ARHGEF9: variants seen among roughly 807,000 people sequenced by gnomAD.
ARHGEF9 encodes rho guanine nucleotide exchange factor 9.
A neutral mutation model predicts 41.3 loss-of-function variants in ARHGEF9; 2 were observed. That is an observed-to-expected ratio of 0.05 (90% confidence interval 0.02 to 0.15). The LOEUF (loss-of-function observed/expected upper bound fraction) is 0.15. Among genes scored for constraint, ARHGEF9 ranks in the 10% least tolerant of loss-of-function variants. The pLI, the probability that ARHGEF9 is intolerant of heterozygous loss-of-function variation, is 1.00. For synonymous variants in ARHGEF9, 160 were observed against 154.4 expected (o/e 1.04, Z -0.27); for missense variants, 225 against 424.7 (o/e 0.53, Z 4.13).
At chrX:63,721,923 G>C (rs2053655270) in intron 2 of ARHGEF9, among the ~76,000 whole-genome samples, 1 of 111,569 alleles carries the variant, frequency 9.0e-6, no homozygotes, top group Non-Finnish European at 1.9e-5. Context: ...ATACAAGTAT[G>C]AAATTCTGAA....
At chrX:63,738,569 C>T (rs1196126087) in intron 1 of ARHGEF9, among the ~76,000 whole-genome samples, 1 of 110,448 alleles carries the variant, frequency 9.1e-6, no homozygotes, top group Non-Finnish European at 1.9e-5. Context: ...GCACCGCATT[C>T]CCCCCACCCC....
intron 8 of ARHGEF9, among the ~76,000 whole-genome samples, chrX:63,651,497 G>A (rs1313627538): frequency 2.7e-5 from 3 of 111,271 alleles, no homozygotes; most frequent in African/African-American, 6.5e-5. Flanking sequence ...TTTAATAAAT[G>A]ATGCAGATGC....
At chrX:63,714,035 C>G (rs1267976888) in intron 2 of ARHGEF9, among the ~76,000 whole-genome samples, 4 of 111,629 alleles carry the variant, frequency 3.6e-5, no homozygotes, top group Non-Finnish European at 7.5e-5. Flanking sequence ...ATATAACAGA[C>G]AAAAAGAGAA....
At chrX:63,640,872 A>C (rs1302747037) in intron 9 of ARHGEF9, 1 of 111,590 alleles carries the variant, frequency 9.0e-6, no homozygotes, top group Non-Finnish European at 1.9e-5. Flanking sequence ...GGTTATCTTA[A>C]ATAATCCCTT....
intron 1 of ARHGEF9, chrX:63,736,897 TTATAAAAAAAAACTCCACA>T (rs2054643932): frequency 9.0e-6 from 1 of 111,372 alleles, no homozygotes. Flanking sequence ...AGTATGTGTT[TTATAAAAAAAAACTCCACA>T]AAATAGAAAT....
chrX:63,746,334 C>A (rs1214497066), intron 1 of ARHGEF9, among the ~76,000 whole-genome samples: 1 of 111,938 alleles, frequency 8.9e-6, no homozygotes, highest in South Asian at 3.7e-4. Context: ...CTCTCTAAAC[C>A]TTTTTTCTTC....
At chrX:63,722,411 T>C (rs2053682117) in intron 2 of ARHGEF9, among the ~76,000 whole-genome samples, 1 of 90,114 alleles carries the variant, frequency 1.1e-5, no homozygotes, top group African/African-American at 4.2e-5. Context: ...TTGTTTTTTG[T>C]TTTTTTTTTT....
chrX:63,681,613 G>A (rs782309685), intron 4 of ARHGEF9, among the ~76,000 whole-genome samples: 115 of 110,397 alleles, frequency 1.0e-3, no homozygotes, highest in Non-Finnish European at 2.0e-3. Context: ...GTTCTAAGAG[G>A]GGCGTTGATA....
chrX:63,698,336 G>C (rs1271727449), intron 3 of ARHGEF9, among the ~76,000 whole-genome samples: 3 of 109,634 alleles, frequency 2.7e-5, no homozygotes, highest in Non-Finnish European at 5.7e-5. Flanking sequence ...ACATAAACCA[G>C]ACTCAAGGCA....
Position 63,638,191 on chromosome X carries a change from G to A in ARHGEF9, c.1409C>T (p.Ser470Leu), listed in dbSNP as rs782206262. 8.4e-7 allele frequency: 1 copy of A among 1,185,362 alleles called. No individual in the cohort carries two copies. The highest frequency in any genetic ancestry group is 1.1e-6 in the Non-Finnish European group (1 of 882,786). The change falls in exon 10 of 10, where the codon TCA becomes TTA. Residue 470 changes from serine (S) to leucine (L), a missense_variant. By Grantham distance (145) the Ser-to-Leu change is moderately radical. Transcript: ENST00000671741. ...CGGTGGTGGGTAGGAAGGAGGAACT[G>A]AGCGGGCAGAGTTGACACCTAGAGT... is the stretch of plus-strand genomic sequence containing the variant. Reference protein sequence around the residue: ...PKQKGVNSARSVPPSYPPPQD... With the variant: ...PKQKGVNSARLVPPSYPPPQD...
At chrX:63,736,478 G>A (rs1556422989) in intron 1 of ARHGEF9, among the ~76,000 whole-genome samples, 1 of 110,702 alleles carries the variant, frequency 9.0e-6, no homozygotes, top group African/African-American at 3.3e-5. Context: ...ATACTCAGAG[G>A]TGGTCAGGAT....
intron 6 of ARHGEF9, among the ~76,000 whole-genome samples, chrX:63,666,453 T>TACATACACACACAC (rs1556348917): frequency 1.2e-5 from 1 of 81,263 alleles, no homozygotes; most frequent in Non-Finnish European, 2.4e-5. Flanking sequence ...TATATATACA[T>TACATACACACACAC]ACACACACAC....
chrX:63,676,887 C>T (rs1556362836), intron 5 of ARHGEF9, among the ~76,000 whole-genome samples: 1 of 112,416 alleles, frequency 8.9e-6, no homozygotes, highest in Non-Finnish European at 1.9e-5. Flanking sequence ...TGGTGGGTAA[C>T]TACTATATTG....
intron 1 of ARHGEF9, among the ~76,000 whole-genome samples, chrX:63,775,924 C>T (rs180830561): frequency 8.3e-4 from 92 of 111,445 alleles, no homozygotes; most frequent in African/African-American, 7.2e-4. Flanking sequence ...TCACCCACCA[C>T]GTTCTTGCTC....
chrX:63,674,316 T>C, intron 5 of ARHGEF9, 149 bp from the exon 6 acceptor site: 2 of 611,638 alleles, frequency 3.3e-6, no homozygotes, highest in Non-Finnish European at 2.6e-6. Context: ...AAAGACTACA[T>C]TTTCTATCTT....
chrX:63,721,390 T>A (rs1304823478), intron 2 of ARHGEF9, among the ~76,000 whole-genome samples: 1 of 110,672 alleles, frequency 9.0e-6, no homozygotes, highest in Non-Finnish European at 1.9e-5. Flanking sequence ...AAGAAAAGTA[T>A]ATATCCAGCT....
intron 2 of ARHGEF9, among the ~76,000 whole-genome samples, chrX:63,719,325 C>T (rs1253464392): frequency 2.7e-5 from 3 of 112,096 alleles, no homozygotes; most frequent in African/African-American, 6.5e-5. Context: ...CTCTCAAGAA[C>T]GCAAAAACAC....
At chrX:63,748,336 T>G (rs2055397985) in intron 1 of ARHGEF9, among the ~76,000 whole-genome samples, 1 of 112,260 alleles carries the variant, frequency 8.9e-6, no homozygotes, top group South Asian at 3.8e-4. Flanking sequence ...TGCTAACCTG[T>G]TGTGTGACAT....
At chrX:63,766,428 T>C (rs1283733395) in intron 1 of ARHGEF9, among the ~76,000 whole-genome samples, 1 of 112,013 alleles carries the variant, frequency 8.9e-6, no homozygotes, top group African/African-American at 3.2e-5. Flanking sequence ...CAGTGGCATC[T>C]TACCTGGGCC....
Sources: gnomAD v4.1 joint callset for allele counts (sites outside exome capture counted in the v4.1 genomes callset) on GRCh38, gnomAD v4.1.1 for gene constraint, MANE v1.5 for transcripts, NCBI Gene and HGNC (gene_info 2026-07-23, HGNC 2026-07-21) for gene names.